The following SRCIN1 variants were observed in gnomAD, a reference collection of about 807,000 sequenced individuals.
The protein encoded by SRCIN1 is P130Cas-associated protein.
A neutral mutation model predicts 116.2 loss-of-function variants in SRCIN1; 50 were observed. The observed-to-expected ratio is 0.43, with a 90% CI of 0.34 to 0.54. The LOEUF is 0.54. Among genes scored for constraint, SRCIN1 ranks in the 20% least tolerant of loss-of-function variants. The pLI, the probability that SRCIN1 is intolerant of heterozygous loss-of-function variation, is 0.02. For missense variants in SRCIN1, 1,446 were observed against 1,672.0 expected (o/e 0.86, Z 2.36); for synonymous variants, 736 against 750.0 (o/e 0.98, Z 0.30).
chr17:38,591,905 C>T (rs34877171), intron 1 of SRCIN1, among the ~76,000 whole-genome samples: 28 of 152,252 alleles, frequency 1.8e-4, no homozygotes, highest in African/African-American at 6.3e-4. Context: ...TCTGAGTGGG[C>T]AGCCCGCTCT....
At chr17:38,584,296 T>C (rs1907990331) in intron 1 of SRCIN1, among the ~76,000 whole-genome samples, 6 of 152,184 alleles carry the variant, frequency 3.9e-5, no homozygotes, top group Admixed American at 2.6e-4. Context: ...GGGAGGGGGC[T>C]CAGGGCTTCT....
intron 2 of SRCIN1, among the ~76,000 whole-genome samples, chr17:38,571,958 C>T (rs535491744): frequency 6.6e-6 from 1 of 152,190 alleles, no homozygotes; most frequent in Non-Finnish European, 1.5e-5. Context: ...TTTTCCCCCC[C>T]TCGGCCCTCA....
At chr17:38,586,676 G>T (rs906208328) in intron 1 of SRCIN1, among the ~76,000 whole-genome samples, 7 of 152,254 alleles carry the variant, frequency 4.6e-5, no homozygotes, top group African/African-American at 1.4e-4. Context: ...GATGGGGGAT[G>T]ATGGAGCCCT....
chr17:38,582,067 G>T (rs1247457848), intron 1 of SRCIN1, among the ~76,000 whole-genome samples: 1 of 152,174 alleles, frequency 6.6e-6, no homozygotes, highest in Admixed American at 6.5e-5. Flanking sequence ...GCCTAGTCCT[G>T]CCTGAGCCAG....
rs1907166243 is a variant in SRCIN1, at chr17:38,572,660, C to T, written c.325-4429G>A. The T allele has an allele frequency of 6.6e-6, 1 of 151,956 alleles. No homozygotes were observed. Among genetic ancestry groups the T allele is most frequent in the African/African-American group, 2.4e-5 (1 of 41,406 alleles). The allele number at this position is 151,956 out of a possible 1,614,324, so 9.4% of individuals were successfully genotyped here. A position where few individuals can be genotyped will look rare whatever the true frequency, so the allele number is the denominator to read the frequency against. On this transcript the variant is annotated intron_variant, in intron 2 of 18. Coordinates refer to ENST00000617146, the MANE Select transcript of SRCIN1 (RefSeq NM_025248.3). This position sits in a 1 kb window ranked among gnomAD's most constrained non-coding sequence, Gnocchi z 4.3. ...GCGATCCCGGCCCCCACAGTCGCTCCCCCTTACCTGCGGCCACAGGTGTAC... is the reference window on the plus strand; with the variant it reads ...GCGATCCCGGCCCCCACAGTCGCTCTCCCTTACCTGCGGCCACAGGTGTAC...
intron 2 of SRCIN1, among the ~76,000 whole-genome samples, chr17:38,573,733 TCTGTCCTATCACCATCC>T (rs1443959913): frequency 1.3e-5 from 2 of 152,234 alleles, no homozygotes; most frequent in Admixed American, 6.5e-5. Flanking sequence ...CACATCGTCC[TCTGTCCTATCACCATCC>T]CTGTCCTAGC....
At chr17:38,592,133 T>C (rs989425011) in intron 1 of SRCIN1, among the ~76,000 whole-genome samples, 2 of 152,182 alleles carry the variant, frequency 1.3e-5, no homozygotes, top group African/African-American at 2.4e-5. Flanking sequence ...GCTGCTTCCC[T>C]GCAAGTGCCC....
At chr17:38,550,269 C>T (rs191217752) in intron 15 of SRCIN1, among the ~76,000 whole-genome samples, 20 of 152,176 alleles carry the variant, frequency 1.3e-4, no homozygotes, top group South Asian at 1.0e-3. Context: ...CCAAGGTGGG[C>T]GGATCACGAG....
intron 1 of SRCIN1, among the ~76,000 whole-genome samples, chr17:38,580,850 T>G (rs889147860): frequency 1.3e-5 from 2 of 152,162 alleles, no homozygotes; most frequent in African/African-American, 4.8e-5. Flanking sequence ...TTTCTTTTTC[T>G]GGGGGGACAG....
intron 11 of SRCIN1, among the ~76,000 whole-genome samples, chr17:38,557,963 A>G: frequency 6.6e-6 from 1 of 152,214 alleles, no homozygotes; most frequent in Non-Finnish European, 1.5e-5. Context: ...AGGCCACAGG[A>G]AGCCTGAGTG....
At chr17:38,548,453 C>A (rs950175047) in intron 17 of SRCIN1, 104 bp downstream of exon 17, 14 of 1,431,558 alleles carry the variant, frequency 9.8e-6, no homozygotes, top group African/African-American at 2.8e-5. Context: ...GCAGGGAGCC[C>A]GAGAGCCCAT....
Position 38,560,180 on chromosome 17 carries a change from C to T in SRCIN1, c.1794-83G>A, listed in dbSNP as rs1281917336. On this transcript the variant is annotated intron_variant, in intron 8 of 18. Coordinates refer to ENST00000617146, the MANE Select transcript of SRCIN1 (RefSeq NM_025248.3). ...CTGGGTGGAACCTTGGATGTCATCT[C>T]CTCCAGCTCTCCGATCTCAGGATGG... The T allele has an allele frequency of 4.2e-6, 6 of 1,417,778 alleles. No individual in the cohort carries two copies. The Admixed American group carries it at 1.4e-4, about 33-fold the overall frequency. 87.8% of individuals were successfully genotyped at this position (1,417,778 alleles called of 1,614,324 possible).
intron 2 of SRCIN1, among the ~76,000 whole-genome samples, chr17:38,571,777 C>CG (rs943939417): frequency 3.9e-5 from 6 of 152,126 alleles, no homozygotes; most frequent in Non-Finnish European, 7.4e-5. Context: ...CTGTGAGAAA[C>CG]GGGGGAAAGG....
rs1170934458 is a variant in SRCIN1, at chr17:38,572,469, G to C, written c.325-4238C>G. Among the ~76,000 whole-genome samples the C allele has an allele frequency of 6.6e-6, 1 of 152,116 alleles. No individual in the cohort carries two copies. Among genetic ancestry groups the C allele is most frequent in the Non-Finnish European group, 1.5e-5 (1 of 68,004 alleles). ...GGCGCCAGCCTGATTTTGGAGTGGG[G>C]GCCGGCCCACGCCGAAGGCACCTAA... is the stretch of plus-strand genomic sequence containing the variant. On this transcript the variant is annotated intron_variant, in intron 2 of 18. Transcript: ENST00000617146. This position sits in a 1 kb window ranked among gnomAD's most constrained non-coding sequence, Gnocchi z 4.3.
chr17:38,553,572 T>C (rs1367529554), intron 11 of SRCIN1, among the ~76,000 whole-genome samples: 1 of 152,188 alleles, frequency 6.6e-6, no homozygotes, highest in Non-Finnish European at 1.5e-5. Flanking sequence ...TTCTCTCACA[T>C]GATCCAGCCA....
chr17:38,583,263 TG>T (rs1191891323), intron 1 of SRCIN1, among the ~76,000 whole-genome samples: 1 of 152,038 alleles, frequency 6.6e-6, no homozygotes, highest in African/African-American at 2.4e-5. Flanking sequence ...TTTGTAGAGA[TG>T]GGGTTTTGCC....
chr17:38,558,693 G>A lies in SRCIN1; in HGVS notation c.2026-291C>T, dbSNP rs1329245545. On this transcript the variant is annotated intron_variant, in intron 10 of 18. Coordinates refer to ENST00000617146, the MANE Select transcript of SRCIN1 (RefSeq NM_025248.3). This position sits in a 1 kb window ranked among gnomAD's most constrained non-coding sequence, Gnocchi z 4.6. ...CGTTAAAATGGGCCATGCAAAGGGG[G>A]AGCTGCATGGCTGTGGCCGCGAGCA... Among the ~76,000 whole-genome samples the A allele has an allele frequency of 6.6e-6, 1 of 152,184 alleles. No homozygotes were observed. Among genetic ancestry groups the A allele is most frequent in the Admixed American group, 6.5e-5 (1 of 15,284 alleles).
rs768085981 is a variant in SRCIN1, at chr17:38,561,628, T to G, written c.1535A>C (p.Asp512Ala). The change falls in exon 7 of 19, where the codon GAC becomes GCC. Residue 512 changes from aspartate (D) to alanine (A), a missense_variant. This residue lies in a region of SRCIN1 where 398 missense variants were observed against 385.6 expected (regional missense o/e 1.03). Coordinates refer to ENST00000617146, the MANE Select transcript of SRCIN1 (RefSeq NM_025248.3). ...GSPVRQSFRK[D>A]SGSSSVFAES... is the part of the protein sequence containing the mutation. ...GGCAAAGACGGACGAGGAGCCCGAGTCCTTGCGGAAGGACTGGCGCACTGG... is the reference window on the plus strand; with the variant it reads ...GGCAAAGACGGACGAGGAGCCCGAGGCCTTGCGGAAGGACTGGCGCACTGG... 2.5e-6 allele frequency: 4 copies of G among 1,580,484 alleles called. No homozygotes were observed. Among genetic ancestry groups the G allele is most frequent in the Non-Finnish European group, 3.4e-6 (4 of 1,162,670 alleles).
At chr17:38,590,953 T>TG (rs888494847) in intron 1 of SRCIN1, among the ~76,000 whole-genome samples, 11 of 152,094 alleles carry the variant, frequency 7.2e-5, no homozygotes, top group South Asian at 2.1e-4. Context: ...CCAGTCCTCT[T>TG]GGGGGGGCCT....
Sources: gnomAD v4.1 joint callset for allele counts (sites outside exome capture counted in the v4.1 genomes callset) on GRCh38, gnomAD v4.1.1 for gene constraint, gnomAD v4.1.1 regional missense constraint, Gnocchi (gnomAD v3.1) non-coding constraint, MANE v1.5 for transcripts, NCBI Gene and HGNC (gene_info 2026-07-23, HGNC 2026-07-21) for gene names.